The following IL1RAPL1 variants were observed in gnomAD, a reference collection of about 807,000 sequenced individuals.
IL1RAPL1 encodes interleukin-1 receptor accessory protein-like 1.
Under a neutral mutation model 48.4 loss-of-function variants are expected in IL1RAPL1, and 3 were observed. The ratio of observed to expected loss-of-function variants is 0.06; its 90% CI spans 0.03 to 0.16. The LOEUF (loss-of-function observed/expected upper bound fraction) is 0.16. IL1RAPL1 is among the 10% of genes least tolerant of loss of function. The probability of loss-of-function intolerance (pLI) is 1.00; values close to 1 mark genes in which losing one functional copy is unlikely to be tolerated. For missense variants in IL1RAPL1, 349 were observed against 530.6 expected, an observed-to-expected ratio of 0.66 and a Z score of 3.36; for synonymous variants, 185 against 187.7, an observed-to-expected ratio of 0.99 and a Z score of 0.12.
chrX:29,676,703 C>T (rs758155116), intron 6 of IL1RAPL1, among the ~76,000 whole-genome samples: 47 of 111,338 alleles, frequency 4.2e-4, no homozygotes, highest in South Asian at 7.6e-4. Context: ...AAAAATTTCT[C>T]TTTTGTAAAC....
intron 5 of IL1RAPL1, among the ~76,000 whole-genome samples, chrX:29,588,854 C>G (rs752106965): frequency 1.1e-4 from 12 of 111,980 alleles, no homozygotes; most frequent in Non-Finnish European, 2.1e-4. Context: ...CAATAGAACA[C>G]TTCTATATGT....
At chrX:28,660,629 G>A (rs1313385095) in intron 1 of IL1RAPL1, among the ~76,000 whole-genome samples, 1 of 111,594 alleles carries the variant, frequency 9.0e-6, no homozygotes, top group Non-Finnish European at 1.9e-5. Flanking sequence ...TTTAGAACTA[G>A]GTACTTTGAG....
chrX:29,503,615 A>G (rs996114033), intron 5 of IL1RAPL1, among the ~76,000 whole-genome samples: 2 of 111,320 alleles, frequency 1.8e-5, no homozygotes, highest in African/African-American at 6.5e-5. Flanking sequence ...TTCATTGATC[A>G]TTCCAGAGCA....
At chrX:29,496,469 CTTT>C (rs60141942) in intron 5 of IL1RAPL1, among the ~76,000 whole-genome samples, 834 of 73,252 alleles carry the variant, frequency 0.011, 12 homozygotes, top group African/African-American at 0.042. Context: ...TTTCTTATTC[CTTT>C]TTTTTTTTTT....
chrX:29,833,719 C>T (rs935827460), intron 6 of IL1RAPL1, among the ~76,000 whole-genome samples: 3 of 111,685 alleles, frequency 2.7e-5, no homozygotes, highest in African/African-American at 9.8e-5. Flanking sequence ...TAGTGACTGA[C>T]TAGAGTGTTA....
At chrX:29,214,078 C>T (rs1402366494) in intron 2 of IL1RAPL1, among the ~76,000 whole-genome samples, 1 of 110,804 alleles carries the variant, frequency 9.0e-6, no homozygotes, top group Non-Finnish European at 1.9e-5. Context: ...AAATGAATTA[C>T]CCTCTGTGCA....
intron 8 of IL1RAPL1, among the ~76,000 whole-genome samples, chrX:29,940,288 C>G (rs1323197821): frequency 9.0e-6 from 1 of 111,133 alleles, no homozygotes; most frequent in Non-Finnish European, 1.9e-5. Flanking sequence ...CATATTACAC[C>G]AGTCCCATCA....
chrX:29,737,713 A>G (rs1337549851), intron 6 of IL1RAPL1, among the ~76,000 whole-genome samples: 5 of 112,552 alleles, frequency 4.4e-5, no homozygotes, highest in African/African-American at 1.3e-4. Flanking sequence ...CAACATTAAA[A>G]TATCAAATAA....
Position 29,461,361 on chromosome X carries a change from A to T in IL1RAPL1, c.703+62053A>T, listed in dbSNP as rs371923585. Among the ~76,000 whole-genome samples the T allele has an allele frequency of 4.5e-5, 5 of 111,939 alleles. No individual in the cohort carries two copies. In the East Asian group the frequency reaches 1.4e-3, roughly 31 times the overall value. ...GTAAATTGATATAACCACTTTGGAAAACACTTTTGCAATATATTTTTAAAA... is the reference window on the plus strand; with the variant it reads ...GTAAATTGATATAACCACTTTGGAATACACTTTTGCAATATATTTTTAAAA... On this transcript the variant is annotated intron_variant, in intron 5 of 10. Transcript: ENST00000378993.
intron 1 of IL1RAPL1, among the ~76,000 whole-genome samples, chrX:28,700,577 C>T (rs928357904): frequency 3.6e-4 from 39 of 108,308 alleles, no homozygotes; most frequent in African/African-American, 1.1e-3. Context: ...GATACATGTG[C>T]AAAACGTGCA....
chrX:29,229,620 T>C (rs1262063848), intron 2 of IL1RAPL1, among the ~76,000 whole-genome samples: 1 of 112,011 alleles, frequency 8.9e-6, no homozygotes, highest in Non-Finnish European at 1.9e-5. Flanking sequence ...TAATTCTCCT[T>C]TGGATATTTC....
chrX:28,594,623 T>A (rs1933936114), intron 1 of IL1RAPL1, among the ~76,000 whole-genome samples: 1 of 111,756 alleles, frequency 8.9e-6, no homozygotes, highest in Admixed American at 9.5e-5. Context: ...TTCCTTCATA[T>A]AAGCCCTCAG....
At chrX:28,636,185 T>C (rs1934462866) in intron 1 of IL1RAPL1, among the ~76,000 whole-genome samples, 1 of 111,837 alleles carries the variant, frequency 8.9e-6, no homozygotes, top group South Asian at 3.7e-4. Context: ...CTTCCATTTC[T>C]TTTAAAACTT....
intron 1 of IL1RAPL1, among the ~76,000 whole-genome samples, chrX:28,661,337 G>A (rs193263342): frequency 2.2e-4 from 25 of 111,532 alleles, no homozygotes; most frequent in South Asian, 7.4e-4. Context: ...CTATGAAAAC[G>A]TCTAGCTAAT....
chrX:29,496,838 G>A (rs1488778599), intron 5 of IL1RAPL1, among the ~76,000 whole-genome samples: 3 of 111,244 alleles, frequency 2.7e-5, no homozygotes, highest in Non-Finnish European at 3.8e-5. Context: ...GCAAAGTCTG[G>A]GACCTCCAGA....
intron 5 of IL1RAPL1, among the ~76,000 whole-genome samples, chrX:29,423,694 G>C (rs1934317834): frequency 9.0e-6 from 1 of 111,584 alleles, no homozygotes; most frequent in African/African-American, 3.3e-5. Flanking sequence ...CTTTAAGGCA[G>C]ATGAGAATTT....
At chrX:29,752,099 T>TATAC (rs1928491091) in intron 6 of IL1RAPL1, among the ~76,000 whole-genome samples, 2 of 99,666 alleles carry the variant, frequency 2.0e-5, no homozygotes, top group African/African-American at 7.2e-5. Flanking sequence ...TATATATATA[T>TATAC]ATATACACAC....
At chrX:29,598,615 T>C (rs1483288681) in intron 5 of IL1RAPL1, among the ~76,000 whole-genome samples, 2 of 111,910 alleles carry the variant, frequency 1.8e-5, no homozygotes, top group Non-Finnish European at 3.8e-5. Context: ...TCCAGCGCTG[T>C]CAGTGGATTA....
At chrX:28,881,313 A>G (rs1408438167) in intron 2 of IL1RAPL1, among the ~76,000 whole-genome samples, 1 of 112,493 alleles carries the variant, frequency 8.9e-6, no homozygotes, top group Non-Finnish European at 1.9e-5. Flanking sequence ...CATTTGGTGA[A>G]GTTATTGCAC....
Sources: gnomAD v4.1 joint callset for allele counts (sites outside exome capture counted in the v4.1 genomes callset) on GRCh38, gnomAD v4.1.1 for gene constraint, MANE v1.5 for transcripts, NCBI Gene and HGNC (gene_info 2026-07-23, HGNC 2026-07-21) for gene names.